The following BTBD6 variants were observed in gnomAD, a reference collection of about 807,000 sequenced individuals.
BTBD6 encodes BTB domain containing 6.
BTBD6 carries 30 observed loss-of-function variants against 40.6 expected under a neutral mutation model. The observed-to-expected ratio is 0.74, with a 90% confidence interval of 0.55 to 1.00. The LOEUF is 1.00. Ranked by LOEUF, BTBD6 falls within the 50% of genes least tolerant of loss-of-function variation. The pLI, the probability that BTBD6 is intolerant of heterozygous loss-of-function variation, is 0.00. For synonymous variants in BTBD6, 378 were observed against 308.7 expected, an observed-to-expected ratio of 1.22 and a Z score of -2.35; for missense variants, 698 against 694.6, an observed-to-expected ratio of 1.00 and a Z score of -0.06.
In BTBD6 at chr14:105,250,151, C is replaced by T. The variant is rs147404751; in HGVS notation, c.1096C>T (p.Leu366=). The change falls in exon 4 of 4, where the codon CTG becomes TTG. Residue 366 remains leucine, a synonymous_variant. Transcript: ENST00000392554. The part of the protein sequence containing the change: ...LTLEETHSIF[L]WYTATNKPRL... Reference sequence around the variant, plus strand: ...TCTGGAGGAGACCCACAGCATCTTCCTGTGGTACACGGCCACCAACAAGCC... The same window carrying T: ...TCTGGAGGAGACCCACAGCATCTTCTTGTGGTACACGGCCACCAACAAGCC... 12 of 1,612,892 alleles carry T rather than the reference C, an allele frequency of 7.4e-6. No homozygotes were observed. The highest frequency in any genetic ancestry group is 4.0e-5 in the African/African-American group (3 of 74,934).
chr14:105,250,712 A>C lies in BTBD6; in HGVS notation c.*40A>C, dbSNP rs587727248. 1 of 1,565,720 alleles carries C rather than the reference A, an allele frequency of 6.4e-7. No individual in the cohort carries two copies. The highest frequency in any genetic ancestry group is 2.3e-5 in the East Asian group (1 of 44,334). On this transcript the variant is annotated 3_prime_UTR_variant, in exon 4 of 4. Coordinates refer to ENST00000392554, the MANE Select transcript of BTBD6 (RefSeq NM_001387567.1). ...CTGCAGCAGGTCAGCGAGTGAGTGG[A>C]GGGGAAGTCAAGATGCTAACTGCTT...
In BTBD6 at chr14:105,250,549, G is replaced by T; in HGVS notation, c.1494G>T (p.Gly498=). The T allele has an allele frequency of 6.2e-7, 1 of 1,614,148 alleles. No homozygotes were observed. Among genetic ancestry groups the T allele is most frequent in the Non-Finnish European group, 8.5e-7 (1 of 1,180,044 alleles). Residue 498 remains glycine (G), a synonymous_variant, in exon 4 of 4, where the codon GGG becomes GGT. Coordinates refer to ENST00000392554, the MANE Select transcript of BTBD6 (RefSeq NM_001387567.1). The part of the protein sequence containing the change: ...VLDGSELSYF[G]QEGMTEVQCG... The stretch of plus-strand genomic sequence containing the variant: ...ACGGCAGCGAACTCAGCTACTTTGG[G>T]CAGGAGGGGATGACGGAAGTGCAGT...
In BTBD6 at chr14:105,249,713, A is replaced by G; in HGVS notation, c.658A>G (p.Ile220Val). Reference sequence around the variant, plus strand: ...CACTCTGTACGCTGCTAAGAAGTACATCGTCCCAGCATTGGCAAAAGCCTG... The same window carrying G: ...CACTCTGTACGCTGCTAAGAAGTACGTCGTCCCAGCATTGGCAAAAGCCTG... ...LATLYAAKKY[I>V]VPALAKACVN... The change falls in exon 4 of 4, where the codon ATC (isoleucine) becomes GTC (valine). Residue 220 changes from isoleucine to valine, a missense_variant. Transcript: ENST00000392554. 1 of 1,613,848 alleles carries G rather than the reference A, an allele frequency of 6.2e-7. No individual in the cohort carries two copies. Among genetic ancestry groups the G allele is most frequent in the Non-Finnish European group, 8.5e-7 (1 of 1,180,034 alleles).
Position 105,248,977 on chromosome 14 carries a change from G to T in BTBD6, c.266G>T (p.Ser89Ile). 1.0e-6 allele frequency: 1 copy of T among 981,974 alleles called. No individual in the cohort carries two copies. Among genetic ancestry groups the T allele is most frequent in the South Asian group, 4.6e-5 (1 of 21,904 alleles). The allele number at this position is 981,974 out of a possible 1,614,324, so 60.8% of individuals were successfully genotyped here. A position where few individuals can be genotyped will look rare whatever the true frequency, so the allele number is the denominator to read the frequency against. Reference sequence around the variant, plus strand: ...AAGGCCGGGCCGCGCAGCCCGCCCAGCGCCCCCGCGCCAGCGCCGCCGCCG... The same window carrying T: ...AAGGCCGGGCCGCGCAGCCCGCCCATCGCCCCCGCGCCAGCGCCGCCGCCG... ...GRKAGPRSPP[S>I]APAPAPPPPA... is the part of the protein sequence containing the mutation. The change falls in exon 1 of 4, where the codon AGC becomes ATC. Residue 89 changes from serine (S) to isoleucine (I), a missense_variant. Coordinates refer to ENST00000392554, the MANE Select transcript of BTBD6 (RefSeq NM_001387567.1).
Position 105,250,610 on chromosome 14 carries a change from GAC to G in BTBD6, c.1557_1558del (p.Asp519GlufsTer14). 6.2e-7 allele frequency: 1 copy of G among 1,613,998 alleles called. No individual in the cohort carries two copies. The highest frequency in any genetic ancestry group is 8.5e-7 in the Non-Finnish European group (1 of 1,180,026). ...KVAFQFQCSS[D>X]STNGTGVQGG... Reference sequence around the variant, plus strand: ...GGCCTTCCAGTTCCAGTGCTCCTCGGACAGCACCAACGGGACTGGGGTCCAGG... The same window carrying G: ...GGCCTTCCAGTTCCAGTGCTCCTCGGAGCACCAACGGGACTGGGGTCCAGG... On this transcript the variant is annotated frameshift_variant, in exon 4 of 4. Transcript: ENST00000392554. LOFTEE classifies it high-confidence loss of function.
Position 105,249,675 on chromosome 14 carries a change from A to G in BTBD6, c.620A>G (p.Asp207Gly). 6.2e-7 allele frequency: 1 copy of G among 1,613,216 alleles called. No individual in the cohort carries two copies. Among genetic ancestry groups the G allele is most frequent in the Non-Finnish European group, 8.5e-7 (1 of 1,179,776 alleles). Residue 207 changes from aspartate to glycine, a missense_variant, in exon 4 of 4, where the codon GAC (aspartate) becomes GGC (glycine). By Grantham distance (94) the Asp-to-Gly change is moderately conservative. Transcript: ENST00000392554. ...AGTGATGAGATCGATCTGGAAGCCG[A>G]CACGGTGCTGGCCACTCTGTACGCT... Reference protein sequence around the residue: ...MYSDEIDLEADTVLATLYAAK... With the variant: ...MYSDEIDLEAGTVLATLYAAK...
chr14:105,249,381 T>C lies in BTBD6; in HGVS notation c.487T>C (p.Ser163Pro), dbSNP rs764421382. The C allele has an allele frequency of 3.1e-6, 5 of 1,612,208 alleles. No homozygotes were observed. The highest frequency in any genetic ancestry group is 1.3e-5 in the African/African-American group (1 of 75,034). ...CCAGTACGTCTTGGCTGTCGGCAGCTCCGTCTTCTATGCCATGTTCTACGG... is the reference window on the plus strand; with the variant it reads ...CCAGTACGTCTTGGCTGTCGGCAGCCCCGTCTTCTATGCCATGTTCTACGG... ...AHKYVLAVGS[S>P]VFYAMFYGDL... is the part of the protein sequence containing the mutation. Residue 163 changes from serine (S) to proline (P), a missense_variant, in exon 3 of 4, where the codon TCC (serine) becomes CCC (proline). Physicochemically the swap from Ser to Pro is moderately conservative, Grantham distance 74. Transcript: ENST00000392554.
rs2140285909 is a variant in BTBD6 at position 105,249,347 on chromosome 14, T to C, written c.466-13T>C. 6.2e-7 allele frequency: 1 copy of C among 1,608,088 alleles called. No homozygotes were observed. The highest frequency in any genetic ancestry group is 8.5e-7 in the Non-Finnish European group (1 of 1,177,892). On this transcript the variant is annotated splice_polypyrimidine_tract_variant and intron_variant, in intron 2 of 3. Coordinates refer to ENST00000392554, the MANE Select transcript of BTBD6 (RefSeq NM_001387567.1). ...GGGAGAGCCAGGCTCACGGCGGCGC[T>C]TTCTCCTCCCAGTACGTCTTGGCTG...
At position 105,250,767 on chromosome 14, in the gene BTBD6, T is replaced by C; in HGVS notation, c.*95T>C. ...ACACCATGAAAGGCTGCTCTTAACT[T>C]TGTCTCTCTTTGACATGTAGTCAGC... On this transcript the variant is annotated 3_prime_UTR_variant, in exon 4 of 4. Coordinates refer to ENST00000392554, the MANE Select transcript of BTBD6 (RefSeq NM_001387567.1). The C allele has an allele frequency of 7.8e-7, 1 of 1,277,234 alleles. No homozygotes were observed. Among genetic ancestry groups the C allele is most frequent in the Non-Finnish European group, 1.1e-6 (1 of 926,494 alleles). 79.1% of individuals were successfully genotyped at this position (1,277,234 alleles called of 1,614,324 possible). A position where few individuals can be genotyped will look rare whatever the true frequency, so the allele number is the denominator to read the frequency against.
rs1385700251 is a variant in BTBD6 at position 105,250,617 on chromosome 14, C to A, written c.1562C>A (p.Thr521Asn). The change falls in exon 4 of 4, where the codon ACC becomes AAC. Residue 521 changes from threonine to asparagine, a missense_variant. Transcript: ENST00000392554. ...CAGTTCCAGTGCTCCTCGGACAGCA[C>A]CAACGGGACTGGGGTCCAGGGTGGG... is the stretch of plus-strand genomic sequence containing the variant. ...AFQFQCSSDSTNGTGVQGGQI... is the reference protein window; with the variant it reads ...AFQFQCSSDSNNGTGVQGGQI... The A allele has an allele frequency of 1.2e-6, 2 of 1,613,918 alleles. No homozygotes were observed. Among genetic ancestry groups the A allele is most frequent in the Non-Finnish European group, 1.7e-6 (2 of 1,180,022 alleles).
rs945061286 is a variant in BTBD6 at position 105,249,668 on chromosome 14, G to C, written c.613G>C (p.Glu205Gln). The change falls in exon 4 of 4, where the codon GAA becomes CAA. Residue 205 changes from glutamate to glutamine, a missense_variant. Transcript: ENST00000392554. ...CATGTACAGTGATGAGATCGATCTGGAAGCCGACACGGTGCTGGCCACTCT... is the reference window on the plus strand; with the variant it reads ...CATGTACAGTGATGAGATCGATCTGCAAGCCGACACGGTGCTGGCCACTCT... ...KYMYSDEIDL[E>Q]ADTVLATLYA... is the part of the protein sequence containing the mutation. 1 of 1,613,010 alleles carries C rather than the reference G, an allele frequency of 6.2e-7. No homozygotes were observed. The highest frequency in any genetic ancestry group is 8.5e-7 in the Non-Finnish European group (1 of 1,179,638).
chr14:105,248,670 G>A lies in BTBD6; in HGVS notation c.-42G>A. On this transcript the variant is annotated 5_prime_UTR_variant, in exon 1 of 4. Coordinates refer to ENST00000392554, the MANE Select transcript of BTBD6 (RefSeq NM_001387567.1). ...GGTCGCAGGGGCGGGGGTGGCAGGG[G>A]AGCGGGTGGCAGCCCCGCGGGTCAC... 1 of 981,566 alleles carries A rather than the reference G, an allele frequency of 1.0e-6. No homozygotes were observed. Among genetic ancestry groups the A allele is most frequent in the Middle Eastern group, 5.2e-4 (1 of 1,914 alleles). 60.8% of individuals were successfully genotyped at this position (981,566 alleles called of 1,614,324 possible). A position where few individuals can be genotyped will look rare whatever the true frequency, so the allele number is the denominator to read the frequency against.
In BTBD6 at chr14:105,248,848, C is replaced by CCT. The variant is rs2140279111; in HGVS notation, c.138_139insTC (p.Pro47SerfsTer24). ...GCGGCGTCCACAGGCGCCGAGGCTG[C>CCT]CCCCGCCGCCCCGCCCGCGAAGATG... On this transcript the variant is annotated frameshift_variant, in exon 1 of 4. Coordinates refer to ENST00000392554, the MANE Select transcript of BTBD6 (RefSeq NM_001387567.1). LOFTEE classifies it high-confidence loss of function. 1.0e-6 allele frequency: 1 copy of CCT among 990,552 alleles called. No homozygotes were observed. The highest frequency in any genetic ancestry group is 1.1e-4 in the East Asian group (1 of 9,186). 61.4% of individuals were successfully genotyped at this position (990,552 alleles called of 1,614,324 possible). A position where few individuals can be genotyped will look rare whatever the true frequency, so the allele number is the denominator to read the frequency against.
rs759732279 is a variant in BTBD6 at position 105,249,447 on chromosome 14, G to A, written c.553G>A (p.Val185Met). 6.2e-7 allele frequency: 1 copy of A among 1,613,600 alleles called. No homozygotes were observed. The highest frequency in any genetic ancestry group is 8.5e-7 in the Non-Finnish European group (1 of 1,180,008). ...CAAATCTGAAATTCACATTCCAGAC[G>A]TGGAGCCCGCAGCCTTTCTGATCCT... ...EVKSEIHIPD[V>M]EPAAFLILLK... Residue 185 changes from valine to methionine, a missense_variant, in exon 3 of 4, where the codon GTG becomes ATG. Physicochemically the swap from Val to Met is conservative, Grantham distance 21. Coordinates refer to ENST00000392554, the MANE Select transcript of BTBD6 (RefSeq NM_001387567.1).
At position 105,248,569 on chromosome 14, in the gene BTBD6, T is replaced by G. The variant is rs1481473869; in HGVS notation, c.-143T>G. On this transcript the variant is annotated 5_prime_UTR_variant, in exon 1 of 4. Transcript: ENST00000392554. ...CACCGGCGCCGCGGCGGGTACGGGC[T>G]CGGGCGGGCGGGCGGGCGGGACGGC... 5.7e-5 allele frequency: 31 copies of G among 542,842 alleles called. No individual in the cohort carries two copies. The East Asian group carries it at 8.6e-4, about 15-fold the overall frequency. 33.6% of individuals were successfully genotyped at this position (542,842 alleles called of 1,614,324 possible). A position where few individuals can be genotyped will look rare whatever the true frequency, so the allele number is the denominator to read the frequency against.
rs150914165 is a variant in BTBD6, at chr14:105,250,282, C to G, written c.1227C>G (p.Arg409=). The part of the protein sequence containing the change: ...YRSNQWRYRG[R]CDSIQFAVDR... ...GCAACCAGTGGCGGTACCGCGGGCG[C>G]TGCGACAGCATCCAGTTTGCAGTGG... Residue 409 remains arginine, a synonymous_variant, in exon 4 of 4, where the codon CGC becomes CGG. Transcript: ENST00000392554. 17 of 1,613,118 alleles carry G rather than the reference C, an allele frequency of 1.1e-5. No homozygotes were observed. Among genetic ancestry groups the G allele is most frequent in the Non-Finnish European group, 1.4e-5 (17 of 1,180,034 alleles).
rs2055370315 is a variant in BTBD6 at position 105,248,991 on chromosome 14, G to C, written c.280G>C (p.Ala94Pro). Reference protein sequence around the residue: ...PRSPPSAPAPAPPPPAPAPPT... With the variant: ...PRSPPSAPAPPPPPPAPAPPT... ...CAGCCCGCCCAGCGCCCCCGCGCCA[G>C]CGCCGCCGCCGCCCGCGCCCGCGCC... Residue 94 changes from alanine (A) to proline (P), a missense_variant, in exon 1 of 4, where the codon GCG becomes CCG. By Grantham distance (27) the Ala-to-Pro change is conservative. Coordinates refer to ENST00000392554, the MANE Select transcript of BTBD6 (RefSeq NM_001387567.1). 1.0e-6 allele frequency: 1 copy of C among 990,922 alleles called. No individual in the cohort carries two copies. Among genetic ancestry groups the C allele is most frequent in the Non-Finnish European group, 1.2e-6 (1 of 834,038 alleles). The allele number at this position is 990,922 out of a possible 1,614,324, so 61.4% of individuals were successfully genotyped here. A position where few individuals can be genotyped will look rare whatever the true frequency, so the allele number is the denominator to read the frequency against.
rs1404522324 is a variant in BTBD6 at position 105,249,581 on chromosome 14, CCCAGCCCCGCGATGGGTGCTTGGGAG to C, written c.585-50_585-25del. On this transcript the variant is annotated intron_variant, in intron 3 of 3. Transcript: ENST00000392554. ...GGAGCTGATGGACTCCTCTCCCAGG[CCCAGCCCCGCGATGGGTGCTTGGGAG>C]CCAGCCCCTGACGCGGGCCCTGCCT... The C allele has an allele frequency of 8.4e-5, 133 of 1,585,522 alleles. 1 individual carries two copies. The Middle Eastern group carries it at 8.4e-4, about 10-fold the overall frequency.
At position 105,249,901 on chromosome 14, in the gene BTBD6, G is replaced by A; in HGVS notation, c.846G>A (p.Arg282=). 6.2e-7 allele frequency: 1 copy of A among 1,611,212 alleles called. No individual in the cohort carries two copies. Among genetic ancestry groups the A allele is most frequent in the Non-Finnish European group, 8.5e-7 (1 of 1,179,990 alleles). The change falls in exon 4 of 4, where the codon CGG becomes CGA. Residue 282 remains arginine, a synonymous_variant. Transcript: ENST00000392554. ...LRSEGFCEID[R]QTLEIIVTRE... ...CCGAAGGCTTCTGTGAGATAGACCG[G>A]CAGACGCTGGAGATCATTGTCACTC...
Sources: allele counts gnomAD v4.1 joint callset, GRCh38; gene constraint gnomAD v4.1.1; transcripts MANE v1.5; gene names NCBI Gene and HGNC (gene_info 2026-07-23, HGNC 2026-07-21).